Variants in PHLPP1 observed in about 807,000 individuals in gnomAD.
The protein encoded by PHLPP1 is PH domain and leucine rich repeat protein phosphatase 1, also known as PH domain leucine-rich repeat-containing protein phosphatase 1.
A neutral mutation model predicts 117.2 loss-of-function variants in PHLPP1; 42 were observed. The observed-to-expected ratio is 0.36, with a 90% CI of 0.28 to 0.46. The LOEUF is 0.46. Ranked by LOEUF, PHLPP1 falls within the 20% of genes least tolerant of loss-of-function variation. The pLI, the probability that PHLPP1 is intolerant of heterozygous loss-of-function variation, is 1.00. For synonymous variants in PHLPP1, 1,042 were observed against 970.7 expected, an observed-to-expected ratio of 1.07 and a Z score of -1.37; for missense variants, 2,084 against 2,241.9, an observed-to-expected ratio of 0.93 and a Z score of 1.42.
intron 1 of PHLPP1, among the ~76,000 whole-genome samples, chr18:62,795,755 A>G (rs1354253845): frequency 6.6e-6 from 1 of 152,120 alleles, no homozygotes; most frequent in African/African-American, 2.4e-5. Context: ...CTACTCTCAG[A>G]CTTTTAATAT....
intron 4 of PHLPP1, among the ~76,000 whole-genome samples, chr18:62,870,981 ATGTGTC>A (rs1299261309): frequency 9.2e-5 from 14 of 152,190 alleles, no homozygotes. Context: ...TCCTTATTAT[ATGTGTC>A]ACTAATAACT....
At chr18:62,763,920 T>C (rs968629258) in intron 1 of PHLPP1, among the ~76,000 whole-genome samples, 5 of 151,998 alleles carry the variant, frequency 3.3e-5, no homozygotes, top group African/African-American at 9.7e-5. Context: ...CCCAGCACTT[T>C]GGGAGGCTGA....
chr18:62,789,799 C>G (rs182732953), intron 1 of PHLPP1, among the ~76,000 whole-genome samples: 2 of 152,178 alleles, frequency 1.3e-5, no homozygotes, highest in Non-Finnish European at 2.9e-5. Flanking sequence ...GCACCCGAGA[C>G]CAATTTAATA....
intron 1 of PHLPP1, among the ~76,000 whole-genome samples, chr18:62,731,814 G>C (rs1372239810): frequency 6.6e-6 from 1 of 152,188 alleles, no homozygotes; most frequent in African/African-American, 2.4e-5. Flanking sequence ...TGCTGATATG[G>C]AGAACGTTTT....
chr18:62,779,509 A>G (rs1352033483), intron 1 of PHLPP1: 2 of 152,200 alleles, frequency 1.3e-5, no homozygotes, highest in Admixed American at 6.5e-5. Flanking sequence ...GATGAATGTC[A>G]TCTGTATCAT....
intron 4 of PHLPP1, among the ~76,000 whole-genome samples, chr18:62,891,194 T>C (rs1227115331): frequency 2.6e-5 from 4 of 152,216 alleles, no homozygotes; most frequent in Non-Finnish European, 5.9e-5. Flanking sequence ...CATATGGCAA[T>C]CTTATTTCAG....
chr18:62,830,256 A>G (rs1245568482), intron 2 of PHLPP1, 25 bp downstream of exon 2: 4 of 1,536,138 alleles, frequency 2.6e-6, no homozygotes, highest in South Asian at 1.2e-5. Flanking sequence ...TTGTTTGTTT[A>G]TTGAGTCAGA....
intron 8 of PHLPP1, among the ~76,000 whole-genome samples, chr18:62,912,045 C>T (rs1294411308): frequency 2.1e-5 from 2 of 97,418 alleles, no homozygotes; most frequent in East Asian, 2.9e-4. Flanking sequence ...AGTAAACTAT[C>T]GCAAGAACAA....
intron 10 of PHLPP1, among the ~76,000 whole-genome samples, chr18:62,926,801 C>T (rs2035771237): frequency 1.3e-5 from 2 of 152,180 alleles, no homozygotes; most frequent in Non-Finnish European, 1.5e-5. Context: ...GTTCCTTTAG[C>T]AGCTCCAAAG....
chr18:62,851,422 C>T (rs1168501626), intron 3 of PHLPP1, among the ~76,000 whole-genome samples: 2 of 152,188 alleles, frequency 1.3e-5, no homozygotes, highest in African/African-American at 4.8e-5. Flanking sequence ...TCCTACCTCT[C>T]CCACATGCTC....
chr18:62,828,114 A>G (rs191140611), intron 1 of PHLPP1, among the ~76,000 whole-genome samples: 2 of 151,636 alleles, frequency 1.3e-5, no homozygotes, highest in East Asian at 3.9e-4. Flanking sequence ...CCAGTTGCCT[A>G]TTGTCCATTG....
At position 62,915,011 on chromosome 18, in the gene PHLPP1, G is replaced by A. The variant is rs1480312606; in HGVS notation, c.2804+3G>A. ...CAAATATGTGAACTTCCTGCCCGGT[G>A]AGTATTACAGATCAAATGAGAGGAT... is the stretch of plus-strand genomic sequence containing the variant. On this transcript the variant is annotated splice_donor_region_variant and intron_variant, in intron 9 of 16. Coordinates refer to ENST00000262719, the MANE Select transcript of PHLPP1 (RefSeq NM_194449.4). The A allele has an allele frequency of 6.3e-7, 1 of 1,591,154 alleles. No individual in the cohort carries two copies. The highest frequency in any genetic ancestry group is 1.1e-5 in the South Asian group (1 of 90,014).
intron 10 of PHLPP1, among the ~76,000 whole-genome samples, chr18:62,939,713 TC>T (rs1910075441): frequency 6.6e-6 from 1 of 152,028 alleles, no homozygotes; most frequent in Admixed American, 6.5e-5. Flanking sequence ...AAGCTGCTTT[TC>T]CTCAGATAAG....
Position 62,972,566 on chromosome 18 carries a change from C to A in PHLPP1, c.3613C>A (p.Leu1205Met), listed in dbSNP as rs1159114109. Residue 1205 changes from leucine (L) to methionine (M), a missense_variant, in exon 15 of 17, where the codon CTG (leucine) becomes ATG (methionine). By Grantham distance (15) the Leu-to-Met change is conservative. Around this residue, in one of 2 missense-constraint regions of PHLPP1, gnomAD observed 1,365 missense variants for 1,605.9 expected, o/e 0.85. Transcript: ENST00000262719. ...VNNFCDNREALYGVFDGDRNV... is the reference protein window; with the variant it reads ...VNNFCDNREAMYGVFDGDRNV... ...TAACTTCTGTGACAACCGCGAAGCC[C>A]TGTATGGTGTGTTTGACGGAGACCG... is the stretch of plus-strand genomic sequence containing the variant. 1.2e-6 allele frequency: 2 copies of A among 1,613,644 alleles called. No homozygotes were observed. Among genetic ancestry groups the A allele is most frequent in the Non-Finnish European group, 1.7e-6 (2 of 1,179,904 alleles).
chr18:62,779,719 G>C (rs1913066775), intron 1 of PHLPP1, among the ~76,000 whole-genome samples: 2 of 152,170 alleles, frequency 1.3e-5, no homozygotes, highest in South Asian at 4.1e-4. Context: ...TATTCAATTT[G>C]TCGGGTCATG....
At chr18:62,792,901 A>G (rs910114905) in intron 1 of PHLPP1, among the ~76,000 whole-genome samples, 15 of 147,810 alleles carry the variant, frequency 1.0e-4, no homozygotes, top group Non-Finnish European at 2.1e-4. Context: ...AAGGTCACGC[A>G]CAGTGGCGCA....
At chr18:62,759,268 A>G (rs1267913581) in intron 1 of PHLPP1, among the ~76,000 whole-genome samples, 2 of 152,192 alleles carry the variant, frequency 1.3e-5, no homozygotes, top group Admixed American at 1.3e-4. Context: ...GCAACCTCAA[A>G]AAGTTTGGGA....
At chr18:62,719,323 C>T (rs941633352) in intron 1 of PHLPP1, among the ~76,000 whole-genome samples, 2 of 152,114 alleles carry the variant, frequency 1.3e-5, no homozygotes, top group Non-Finnish European at 2.9e-5. Context: ...TTATTTTAAG[C>T]CTAAGTTAAT....
In PHLPP1 at chr18:62,862,884, C is replaced by T. The variant is rs1599089292; in HGVS notation, c.2066+2283C>T. 3.3e-5 allele frequency among the ~76,000 whole-genome samples: 5 copies of T among 152,046 alleles called. No individual in the cohort carries two copies. In the South Asian group the frequency reaches 6.2e-4, roughly 19 times the overall value. On this transcript the variant is annotated intron_variant, in intron 4 of 16. Transcript: ENST00000262719. ...GAATATTTTTACTGTTAATATTGCCCGGAAGAAAAGAATAGAGAAGAATAT... is the reference window on the plus strand; with the variant it reads ...GAATATTTTTACTGTTAATATTGCCTGGAAGAAAAGAATAGAGAAGAATAT...
Sources: gnomAD v4.1 joint callset for allele counts (sites outside exome capture counted in the v4.1 genomes callset) on GRCh38, gnomAD v4.1.1 for gene constraint, gnomAD v4.1.1 regional missense constraint, MANE v1.5 for transcripts, NCBI Gene and HGNC (gene_info 2026-07-23, HGNC 2026-07-21) for gene names.